Variants in GSTM4 observed in about 807,000 individuals in gnomAD.
The protein encoded by GSTM4 is glutathione S-transferase mu 4, also known as GST class-mu 4.
A neutral mutation model predicts 30.1 loss-of-function variants in GSTM4; 27 were observed. The ratio of observed to expected loss-of-function variants is 0.90; its 90% confidence interval spans 0.66 to 1.24. GSTM4 has a LOEUF of 1.24. Ranked by LOEUF, GSTM4 falls within the 50% of genes most tolerant of loss-of-function variation. The pLI is 0.00. For missense variants in GSTM4, 238 were observed against 272.1 expected (o/e 0.87, Z 0.88); for synonymous variants, 94 against 96.2 (o/e 0.98, Z 0.13).
chr1:109,662,101 G>A (rs1652344994), downstream of GSTM4, among the ~76,000 whole-genome samples: 1 of 152,168 alleles, frequency 6.6e-6, no homozygotes, highest in Admixed American at 6.5e-5. Flanking sequence ...TGCTGGGATT[G>A]CAGGTGTGAG....
rs548000868 is a variant in GSTM4, at chr1:109,657,211, G to A, written c.113-4G>A. On this transcript the variant is annotated splice_polypyrimidine_tract_variant and splice_region_variant and intron_variant, in intron 2 of 7. Transcript: ENST00000369836. ...TTGTTTTCACTTCTTCTTCCCCACG[G>A]CAGCTCCTGACTATGACAGAAGCCA... 33 of 1,612,436 alleles carry A rather than the reference G, an allele frequency of 2.0e-5. No homozygotes were observed. Among genetic ancestry groups the A allele is most frequent in the South Asian group, 6.6e-5 (6 of 91,006 alleles).
In GSTM4 at chr1:109,656,165, G is replaced by A. The variant is rs1015159702; in HGVS notation, c.-225G>A. ...CGGTGGATCTTACTCCTTCCAGCCAGTGAGGATCCAGCAACCTGCTCCGTG... is the reference window on the plus strand; with the variant it reads ...CGGTGGATCTTACTCCTTCCAGCCAATGAGGATCCAGCAACCTGCTCCGTG... On this transcript the variant is annotated 5_prime_UTR_variant, in exon 1 of 8. It adds an upstream start codon to the 5' untranslated region. Transcript: ENST00000369836. The A allele has an allele frequency of 3.6e-6, 2 of 555,178 alleles. No individual in the cohort carries two copies. The highest frequency in any genetic ancestry group is 6.7e-6 in the Non-Finnish European group (2 of 299,648). The allele number at this position is 555,178 out of a possible 1,614,324, so 34.4% of individuals were successfully genotyped here.
intron 2 of GSTM4, 103 bp downstream of exon 2, chr1:109,656,890 G>C (rs1490110071): frequency 1.7e-6 from 2 of 1,174,594 alleles, no homozygotes; most frequent in Non-Finnish European, 2.6e-6. Context: ...TCCCCTGCTG[G>C]AGCTGCAGGC....
In GSTM4 at chr1:109,656,441, C is replaced by T. The variant is rs542137316; in HGVS notation, c.36+16C>T. On this transcript the variant is annotated intron_variant, in intron 1 of 7. Coordinates refer to ENST00000369836, the MANE Select transcript of GSTM4 (RefSeq NM_000850.5). The stretch of plus-strand genomic sequence containing the variant: ...CATCCGCGGGGTGAGTGAGGGTCCG[C>T]TGCACTGTGGGACCGGGCGCGTGGG... The T allele has an allele frequency of 4.3e-4, 701 of 1,613,792 alleles. 7 individuals carry two copies. The South Asian group carries it at 7.4e-3, about 17-fold the overall frequency.
At chr1:109,661,030 G>A (rs926589590) in intron 7 of GSTM4, 135 bp from the exon 8 acceptor site, 6 of 1,205,960 alleles carry the variant, frequency 5.0e-6, no homozygotes, top group Middle Eastern at 2.0e-4. Context: ...CTAAGAGGCT[G>A]TGTGATGCCT....
At chr1:109,666,518 C>G (rs1216107256), downstream of GSTM4, among the ~76,000 whole-genome samples, 1 of 152,200 alleles carries the variant, frequency 6.6e-6, no homozygotes, top group Non-Finnish European at 1.5e-5. Flanking sequence ...AGCCTGTCCA[C>G]CTGGTAGACC....
chr1:109,664,889 T>C (rs1298131240), downstream of GSTM4: 73 of 1,004,218 alleles, frequency 7.3e-5, 2 homozygotes, highest in Admixed American at 1.3e-3. Flanking sequence ...TAAAACTCTC[T>C]GTTTACCCAT....
chr1:109,667,647 G>C (rs1284145849), downstream of GSTM4, among the ~76,000 whole-genome samples: 1 of 152,176 alleles, frequency 6.6e-6, no homozygotes, highest in Non-Finnish European at 1.5e-5. Flanking sequence ...TATGTCCGCA[G>C]TTTATAACAA....
chr1:109,656,745 A>G lies in GSTM4; in HGVS notation c.70A>G (p.Thr24Ala). Reference sequence around the variant, plus strand: ...CGCCATCCGCCTGCTCCTGGAATACACAGACTCAAGCTACGAGGAAAAGAA... The same window carrying G: ...CGCCATCCGCCTGCTCCTGGAATACGCAGACTCAAGCTACGAGGAAAAGAA... Reference protein sequence around the residue: ...AHAIRLLLEYTDSSYEEKKYT... With the variant: ...AHAIRLLLEYADSSYEEKKYT... The change falls in exon 2 of 8, where the codon ACA (threonine) becomes GCA (alanine). Residue 24 changes from threonine to alanine, a missense_variant. Physicochemically the swap from Thr to Ala is moderately conservative, Grantham distance 58. Coordinates refer to ENST00000369836, the MANE Select transcript of GSTM4 (RefSeq NM_000850.5). 6.2e-7 allele frequency: 1 copy of G among 1,614,044 alleles called. No individual in the cohort carries two copies. The highest frequency in any genetic ancestry group is 8.5e-7 in the Non-Finnish European group (1 of 1,179,958).
At chr1:109,660,214 T>G (rs1476354777) in intron 7 of GSTM4, 2 of 158,408 alleles carry the variant, frequency 1.3e-5, no homozygotes, top group African/African-American at 4.8e-5. Context: ...CTTGGGGTTA[T>G]GTAAGAGGTA....
intron 1 of GSTM4, 119 bp from the exon 2 acceptor site, chr1:109,656,593 T>TGTGTGTGTGTGTGTGTGTGAGA: frequency 1.8e-6 from 1 of 555,636 alleles, no homozygotes; most frequent in South Asian, 1.5e-5. Context: ...TGTGTGTGCG[T>TGTGTGTGTGTGTGTGTGTGAGA]GCGCCGGGGT....
rs937639427 is a variant in GSTM4 at position 109,656,279 on chromosome 1, C to T, written c.-111C>T. On this transcript the variant is annotated 5_prime_UTR_variant, in exon 1 of 8. Transcript: ENST00000369836. ...TGAAGATCGGCGGGCGCAGCGGGGC[C>T]GAGGGGGCGGGTCTGGCGCTAGGTC... The T allele has an allele frequency of 7.9e-5, 85 of 1,073,488 alleles. No individual in the cohort carries two copies. The highest frequency in any genetic ancestry group is 1.1e-4 in the Non-Finnish European group (73 of 693,450). The allele number at this position is 1,073,488 out of a possible 1,614,324, so 66.5% of individuals were successfully genotyped here. A position where few individuals can be genotyped will look rare whatever the true frequency, so the allele number is the denominator to read the frequency against.
intron 7 of GSTM4, chr1:109,659,661 G>T (rs954648354): frequency 1.1e-5 from 4 of 357,314 alleles, no homozygotes; most frequent in Non-Finnish European, 2.1e-5. Flanking sequence ...AATCCTGAGA[G>T]CCAGAGCTGT....
chr1:109,659,613 C>T (rs1652211006), intron 7 of GSTM4: 4 of 372,140 alleles, frequency 1.1e-5, no homozygotes, highest in South Asian at 2.3e-5. Context: ...TTCATAGCTA[C>T]TCCCAGAAGC....
intron 5 of GSTM4, chr1:109,658,357 C>A: frequency 4.6e-6 from 1 of 215,590 alleles, no homozygotes; most frequent in South Asian, 8.7e-5. Context: ...GGCCTTTGTT[C>A]CTCTGTCTCC....
chr1:109,659,467 G>T, intron 7 of GSTM4: 1 of 1,130,350 alleles, frequency 8.8e-7, no homozygotes, highest in Non-Finnish European at 1.2e-6. Flanking sequence ...AGAAGCCTCA[G>T]GCCTCATCCA....
downstream of GSTM4, chr1:109,664,883 ACT>A: frequency 2.1e-6 from 2 of 937,854 alleles, no homozygotes; most frequent in South Asian, 1.4e-5. Flanking sequence ...CCTGTATAAA[ACT>A]CTCTGTTTAC....
rs931232559 is a variant in GSTM4 at position 109,661,172 on chromosome 1, A to G, written c.575A>G (p.Glu192Gly). The change falls in exon 8 of 8, where the codon GAG becomes GGG. Residue 192 changes from glutamate to glycine, a missense_variant. Glu to Gly is a moderately conservative substitution (Grantham distance 98). Transcript: ENST00000369836. ...KDFISRFEGL[E>G]KISAYMKSSR... Reference sequence around the variant, plus strand: ...TATTTTCCCCCCTCTCAGGGCTTGGAGAAGATCTCTGCCTACATGAAGTCC... The same window carrying G: ...TATTTTCCCCCCTCTCAGGGCTTGGGGAAGATCTCTGCCTACATGAAGTCC... 5 of 1,612,428 alleles carry G rather than the reference A, an allele frequency of 3.1e-6. No individual in the cohort carries two copies. In the Admixed American group the frequency reaches 6.7e-5, roughly 22 times the overall value.
chr1:109,661,624 G>C lies in GSTM4; in HGVS notation c.*370G>C. On this transcript the variant is annotated 3_prime_UTR_variant, in exon 8 of 8. Transcript: ENST00000369836. ...TGTCCCCGTGTTGCATGACAGCATTGACTGGTTTACAGGCCCTGCTCCTGC... is the reference window on the plus strand; with the variant it reads ...TGTCCCCGTGTTGCATGACAGCATTCACTGGTTTACAGGCCCTGCTCCTGC... 8.4e-7 allele frequency: 1 copy of C among 1,196,136 alleles called. No homozygotes were observed. Among genetic ancestry groups the C allele is most frequent in the Non-Finnish European group, 1.0e-6 (1 of 957,688 alleles). The allele number at this position is 1,196,136 out of a possible 1,614,324, so 74.1% of individuals were successfully genotyped here. A position where few individuals can be genotyped will look rare whatever the true frequency, so the allele number is the denominator to read the frequency against.
Sources: allele counts gnomAD v4.1 joint callset (sites outside exome capture counted in the v4.1 genomes callset), GRCh38; gene constraint gnomAD v4.1.1; transcripts MANE v1.5; gene names NCBI Gene and HGNC (gene_info 2026-07-23, HGNC 2026-07-21).